The following TTC1 variants were observed in gnomAD, a reference collection of about 807,000 sequenced individuals.
The protein encoded by TTC1 is tetratricopeptide repeat protein 1.
In TTC1, 31 loss-of-function variants were observed where a neutral mutation model predicts 37.6. That is an observed-to-expected ratio of 0.82 (90% CI 0.62 to 1.11). TTC1 has a LOEUF of 1.11. Ranked by LOEUF, TTC1 falls within the 50% of genes most tolerant of loss-of-function variation. TTC1 has a pLI of 0.00. For synonymous variants in TTC1, 127 were observed against 122.4 expected, an observed-to-expected ratio of 1.04 and a Z score of -0.25; for missense variants, 351 against 339.0, an observed-to-expected ratio of 1.04 and a Z score of -0.28.
intron 7 of TTC1, among the ~76,000 whole-genome samples, chr5:160,055,766 G>A (rs528315513): frequency 3.3e-5 from 5 of 152,230 alleles, no homozygotes; most frequent in Admixed American, 6.5e-5. Context: ...TAAGAGGGGC[G>A]TTCAGCTCTG....
intron 2 of TTC1, among the ~76,000 whole-genome samples, chr5:160,031,034 G>A (rs1360468242): frequency 6.6e-6 from 1 of 152,060 alleles, no homozygotes; most frequent in Non-Finnish European, 1.5e-5. Flanking sequence ...CAATAATATT[G>A]TACTATATAC....
chr5:160,030,441 A>C (rs1460453844), intron 2 of TTC1, among the ~76,000 whole-genome samples: 1 of 152,236 alleles, frequency 6.6e-6, no homozygotes, highest in Non-Finnish European at 1.5e-5. Context: ...CTCGTCTGTA[A>C]AATGAGTCAA....
In TTC1 at chr5:160,044,052, T is replaced by C. The variant is rs79656683; in HGVS notation, c.541+883T>C. Reference sequence around the variant, plus strand: ...TTTCTCACCAACTTCATGTGAAGAATGTACATAATCACTTTTTCTTGCGGC... The same window carrying C: ...TTTCTCACCAACTTCATGTGAAGAACGTACATAATCACTTTTTCTTGCGGC... On this transcript the variant is annotated intron_variant, in intron 5 of 7. Coordinates refer to ENST00000231238, the MANE Select transcript of TTC1 (RefSeq NM_003314.3). Among the ~76,000 whole-genome samples the C allele has an allele frequency of 6.6e-3, 1,007 of 152,304 alleles. 7 individuals carry two copies. Among genetic ancestry groups the C allele is most frequent in the African/African-American group, 0.023 (949 of 41,564 alleles).
chr5:160,013,615 C>T (rs370814164), intron 2 of TTC1, among the ~76,000 whole-genome samples: 10 of 151,616 alleles, frequency 6.6e-5, no homozygotes, highest in East Asian at 5.8e-4. Flanking sequence ...TGGTGGTGTG[C>T]GCCTGTAATC....
intron 2 of TTC1, among the ~76,000 whole-genome samples, chr5:160,032,702 CTTTTTTTTT>C (rs70987990): frequency 5.4e-5 from 4 of 74,684 alleles, no homozygotes; most frequent in East Asian, 4.5e-4. Flanking sequence ...TACCTGCTTT[CTTTTTTTTT>C]TTTTTTTTTT....
Position 160,018,618 on chromosome 5 carries a change from A to G in TTC1, c.330+7760A>G, listed in dbSNP as rs142368465. Among the ~76,000 whole-genome samples the G allele has an allele frequency of 1.1e-3, 164 of 152,386 alleles. 5 individuals are homozygous for G. The East Asian group carries it at 0.025, about 23-fold the overall frequency. ...GTAGGCAAGGGTCTGATTATGGAAT[A>G]GTTCCTAAGCCGTAGTAAAGAACTT... is the stretch of plus-strand genomic sequence containing the variant. On this transcript the variant is annotated intron_variant, in intron 2 of 7. Coordinates refer to ENST00000231238, the MANE Select transcript of TTC1 (RefSeq NM_003314.3).
intron 7 of TTC1, among the ~76,000 whole-genome samples, chr5:160,060,659 T>C (rs977506060): frequency 1.6e-4 from 24 of 152,286 alleles, no homozygotes; most frequent in South Asian, 4.1e-4. Context: ...GGAAGCTGCT[T>C]TAGCCTCTGA....
In TTC1 at chr5:160,035,133, C is replaced by T. The variant is rs199871470; in HGVS notation, c.331-7C>T. The T allele has an allele frequency of 4.4e-6, 7 of 1,590,332 alleles. No individual in the cohort carries two copies. The highest frequency in any genetic ancestry group is 2.3e-5 in the South Asian group (2 of 85,674). ...GAGAAATTATGTAATTCTCTGATGT[C>T]TTTCAGAAAAGAAGAGAAGAGAGCA... is the stretch of plus-strand genomic sequence containing the variant. On this transcript the variant is annotated splice_region_variant and splice_polypyrimidine_tract_variant and intron_variant, in intron 2 of 7. Transcript: ENST00000231238.
chr5:160,017,949 T>C (rs1317737277), intron 2 of TTC1, among the ~76,000 whole-genome samples: 2 of 152,214 alleles, frequency 1.3e-5, no homozygotes, highest in South Asian at 2.1e-4. Flanking sequence ...ATTGGAGAAT[T>C]AGGACAAAAT....
At chr5:160,025,258 C>T (rs1476584129) in intron 2 of TTC1, among the ~76,000 whole-genome samples, 1 of 152,138 alleles carries the variant, frequency 6.6e-6, no homozygotes, top group Admixed American at 6.6e-5. Context: ...GAACTCCTGA[C>T]CTCAGGCAAT....
chr5:160,032,776 C>T (rs1014026416), intron 2 of TTC1, among the ~76,000 whole-genome samples: 3 of 133,608 alleles, frequency 2.2e-5, no homozygotes, highest in Admixed American at 1.8e-4. Context: ...TGCAGTGGCG[C>T]GGCCTTGACT....
chr5:160,026,983 C>T (rs1341643845), intron 2 of TTC1, among the ~76,000 whole-genome samples: 3 of 150,032 alleles, frequency 2.0e-5, no homozygotes, highest in African/African-American at 4.9e-5. Context: ...AATTGTAATG[C>T]ACATCTTTTT....
At chr5:160,039,773 A>G (rs1303526336) in intron 4 of TTC1, among the ~76,000 whole-genome samples, 2 of 152,204 alleles carry the variant, frequency 1.3e-5, no homozygotes, top group African/African-American at 4.8e-5. Flanking sequence ...AAAAATATTG[A>G]CTTATATAAA....
At chr5:160,020,242 A>G (rs907274477) in intron 2 of TTC1, among the ~76,000 whole-genome samples, 18 of 152,266 alleles carry the variant, frequency 1.2e-4, no homozygotes, top group African/African-American at 4.1e-4. Context: ...AGTTTTACCA[A>G]CTTCTTAGAG....
At chr5:160,013,135 T>C (rs915961604) in intron 2 of TTC1, among the ~76,000 whole-genome samples, 3 of 152,236 alleles carry the variant, frequency 2.0e-5, no homozygotes, top group African/African-American at 7.2e-5. Flanking sequence ...AGTCTTATTA[T>C]TTAGAGAAAT....
intron 7 of TTC1, among the ~76,000 whole-genome samples, chr5:160,053,874 T>A (rs1001956705): frequency 4.6e-5 from 7 of 152,204 alleles, no homozygotes; most frequent in African/African-American, 1.7e-4. Context: ...AGGGAAAAAA[T>A]CCTGATAGGA....
chr5:160,020,926 C>T (rs536784211), intron 2 of TTC1, among the ~76,000 whole-genome samples: 22 of 152,330 alleles, frequency 1.4e-4, no homozygotes, highest in Non-Finnish European at 2.8e-4. Flanking sequence ...AGACCCTAGT[C>T]CGTGGAAAAA....
intron 2 of TTC1, among the ~76,000 whole-genome samples, chr5:160,024,662 A>G (rs1188245643): frequency 2.7e-5 from 4 of 149,396 alleles, no homozygotes; most frequent in Admixed American, 2.1e-4. Flanking sequence ...ACACCCAGCT[A>G]AATTTTTTTT....
chr5:160,016,377 C>T (rs1220077019), intron 2 of TTC1, among the ~76,000 whole-genome samples: 1 of 151,840 alleles, frequency 6.6e-6, no homozygotes, highest in Non-Finnish European at 1.5e-5. Context: ...GACTCTGTCT[C>T]AATAAATAAA....
Sources: gnomAD v4.1 joint callset for allele counts (sites outside exome capture counted in the v4.1 genomes callset) on GRCh38, gnomAD v4.1.1 for gene constraint, MANE v1.5 for transcripts, NCBI Gene and HGNC (gene_info 2026-07-23, HGNC 2026-07-21) for gene names.